Variants in EIF2A observed in about 807,000 individuals in gnomAD.
EIF2A encodes 65 kDa eukaryotic translation initiation factor 2A.
A neutral mutation model predicts 75.2 loss-of-function variants in EIF2A; 62 were observed. The observed-to-expected ratio is 0.82, with a 90% CI of 0.67 to 1.02. The LOEUF (loss-of-function observed/expected upper bound fraction) is 1.02, where lower values mean the gene tolerates loss of function less well. EIF2A is among the 50% of genes least tolerant of loss of function. EIF2A has a pLI of 0.00. For synonymous variants in EIF2A, 207 were observed against 239.0 expected, an observed-to-expected ratio of 0.87 and a Z score of 1.23; for missense variants, 611 against 677.7, an observed-to-expected ratio of 0.90 and a Z score of 1.09.
chr3:150,558,276 G>T lies in EIF2A; in HGVS notation c.99-112G>T, dbSNP rs1449918828. On this transcript the variant is annotated intron_variant, in intron 2 of 13. Coordinates refer to ENST00000460851, the MANE Select transcript of EIF2A (RefSeq NM_032025.5). ...AGCATTTTGGAATTTTCTGAAATTT[G>T]TGCAAGTTCTTAGTTATTAAATTGA... 5 of 939,916 alleles carry T rather than the reference G, an allele frequency of 5.3e-6. No individual in the cohort carries two copies. In the African/African-American group the frequency reaches 7.1e-5, roughly 13 times the overall value. The allele number at this position is 939,916 out of a possible 1,614,324, so 58.2% of individuals were successfully genotyped here.
chr3:150,564,114 T>C (rs1188257714), intron 5 of EIF2A, among the ~76,000 whole-genome samples, 185 bp from the exon 6 acceptor site: 3 of 152,172 alleles, frequency 2.0e-5, no homozygotes, highest in Non-Finnish European at 2.9e-5. Flanking sequence ...CCACCGCACC[T>C]GGCCTTTTCT....
At chr3:150,556,621 T>C (rs74457853) in intron 2 of EIF2A, among the ~76,000 whole-genome samples, 1 of 151,726 alleles carries the variant, frequency 6.6e-6, no homozygotes, top group Non-Finnish European at 1.5e-5. Context: ...GGGGAATAGA[T>C]AAAATTGGCT....
intron 10 of EIF2A, among the ~76,000 whole-genome samples, chr3:150,575,264 G>A (rs1226532592): frequency 6.6e-6 from 1 of 152,094 alleles, no homozygotes; most frequent in Non-Finnish European, 1.5e-5. Context: ...AATTCTTTGT[G>A]TGAAGAAAAC....
intron 1 of EIF2A, among the ~76,000 whole-genome samples, chr3:150,548,887 T>C (rs1009076413): frequency 1.3e-5 from 2 of 152,216 alleles, no homozygotes; most frequent in Non-Finnish European, 2.9e-5. Context: ...ATTATACTTA[T>C]TCAGATTGTT....
At chr3:150,547,552 A>G (rs1015483068) in intron 1 of EIF2A, among the ~76,000 whole-genome samples, 1 of 152,172 alleles carries the variant, frequency 6.6e-6, no homozygotes, top group Non-Finnish European at 1.5e-5. Flanking sequence ...GAGTCTGCAT[A>G]TGAGTATTAC....
At position 150,564,378 on chromosome 3, in the gene EIF2A, T is replaced by G; in HGVS notation, c.472T>G (p.Phe158Val). ...NEVHFFENNNFNTIANKLHLQ... is the reference protein window; with the variant it reads ...NEVHFFENNNVNTIANKLHLQ... ...AGTTCACTTCTTTGAAAACAACAAT[T>G]TTAGTATGGAAAGATTTATGACATA... Residue 158 changes from phenylalanine to valine, a missense_variant, in exon 6 of 14, where the codon TTT becomes GTT. Coordinates refer to ENST00000460851, the MANE Select transcript of EIF2A (RefSeq NM_032025.5). 6.3e-7 allele frequency: 1 copy of G among 1,588,798 alleles called. No homozygotes were observed.
At chr3:150,563,131 A>G (rs1184149824) in intron 4 of EIF2A, among the ~76,000 whole-genome samples, 1 of 152,206 alleles carries the variant, frequency 6.6e-6, no homozygotes, top group East Asian at 1.9e-4. Context: ...AACATTTCAT[A>G]TAACTGTGTT....
intron 6 of EIF2A, 143 bp from the exon 7 acceptor site, chr3:150,567,549 CT>C: frequency 3.3e-6 from 2 of 598,924 alleles, no homozygotes; most frequent in Non-Finnish European, 5.8e-6. Flanking sequence ...GCTTTTTCCA[CT>C]GTGTTACTGT....
In EIF2A at chr3:150,562,702, T is replaced by C. The variant is rs1396819100; in HGVS notation, c.292+42T>C. Reference sequence around the variant, plus strand: ...TGTAAAAATACTCTGACACGATCAATTACGTTTAGTGGGGGGGAAAAAGTT... The same window carrying C: ...TGTAAAAATACTCTGACACGATCAACTACGTTTAGTGGGGGGGAAAAAGTT... On this transcript the variant is annotated intron_variant, in intron 4 of 13. Transcript: ENST00000460851. 2.8e-6 allele frequency: 4 copies of C among 1,451,092 alleles called. 1 individual carries two copies. The South Asian group carries it at 4.8e-5, about 17-fold the overall frequency. The allele number at this position is 1,451,092 out of a possible 1,614,324, so 89.9% of individuals were successfully genotyped here.
At position 150,567,914 on chromosome 3, in the gene EIF2A, G is replaced by A; in HGVS notation, c.562G>A (p.Val188Ile). The A allele has an allele frequency of 6.2e-7, 1 of 1,606,304 alleles. No homozygotes were observed. The highest frequency in any genetic ancestry group is 8.5e-7 in the Non-Finnish European group (1 of 1,177,852). ...GPQPYKVAVY[V>I]PGSKGAPSFV... ...CTATGTATCTTAGGTGGCTGTCTAT[G>A]TTCCAGGAAGTAAAGGTGCACCTTC... The change falls in exon 8 of 14, where the codon GTT becomes ATT. Residue 188 changes from valine (V) to isoleucine (I), a missense_variant. Coordinates refer to ENST00000460851, the MANE Select transcript of EIF2A (RefSeq NM_032025.5).
At chr3:150,557,752 A>G in intron 2 of EIF2A, 1 of 296,746 alleles carries the variant, frequency 3.4e-6, no homozygotes, top group Non-Finnish European at 6.6e-6. Context: ...AGCTGTCATT[A>G]TTGTGTGATT....
At chr3:150,558,791 CTT>C (rs1205209500) in intron 3 of EIF2A, 1 of 160,846 alleles carries the variant, frequency 6.2e-6, no homozygotes, top group Non-Finnish European at 1.3e-5. Context: ...AAATAATTCT[CTT>C]TACTCATTTA....
At position 150,583,242 on chromosome 3, in the gene EIF2A, GGAAAACAGCTA is replaced by G. The variant is rs1725294302; in HGVS notation, c.1675_1685del (p.Gln559LysfsTer57). On this transcript the variant is annotated frameshift_variant, in exon 13 of 14. Coordinates refer to ENST00000460851, the MANE Select transcript of EIF2A (RefSeq NM_032025.5). LOFTEE classifies it high-confidence loss of function. ...ACAACTGAAAGAACAAGCAGCAACT[GGAAAACAGCTA>G]GAAAAAAATCAGGTACTTTCTGCAT... 6.2e-7 allele frequency: 1 copy of G among 1,612,494 alleles called. No homozygotes were observed. The highest frequency in any genetic ancestry group is 1.7e-5 in the Admixed American group (1 of 59,740).
At chr3:150,578,161 T>C (rs1218802468) in intron 11 of EIF2A, among the ~76,000 whole-genome samples, 1 of 151,978 alleles carries the variant, frequency 6.6e-6, no homozygotes, top group Non-Finnish European at 1.5e-5. Flanking sequence ...AGAATTCTAT[T>C]TTTATAAGCA....
chr3:150,571,389 C>G (rs947213300), intron 9 of EIF2A, among the ~76,000 whole-genome samples: 2 of 152,154 alleles, frequency 1.3e-5, no homozygotes, highest in African/African-American at 4.8e-5. Context: ...ATCTGCCCAC[C>G]TTGGCCTCCC....
At chr3:150,552,009 G>A (rs1723341116) in intron 1 of EIF2A, among the ~76,000 whole-genome samples, 1 of 152,038 alleles carries the variant, frequency 6.6e-6, no homozygotes, top group African/African-American at 2.4e-5. Context: ...TTACAGATTA[G>A]GTCACAGATT....
rs1019440553 is a variant in EIF2A, at chr3:150,572,332, A to G, written c.1186A>G (p.Ile396Val). 5.0e-6 allele frequency: 8 copies of G among 1,613,872 alleles called. 1 individual carries two copies. The highest frequency in any genetic ancestry group is 3.3e-5 in the South Asian group (3 of 91,092). The change falls in exon 10 of 14, where the codon ATC becomes GTC. Residue 396 changes from isoleucine to valine, a missense_variant. Transcript: ENST00000460851. ...CAAAATTTGGCATTATACTGGCTCT[A>G]TCTTGCACAAGTATGATGTGCCATC... Reference protein sequence around the residue: ...GYKIWHYTGSILHKYDVPSNA... With the variant: ...GYKIWHYTGSVLHKYDVPSNA...
At chr3:150,570,260 A>C (rs1369309943) in intron 9 of EIF2A, among the ~76,000 whole-genome samples, 1 of 152,224 alleles carries the variant, frequency 6.6e-6, no homozygotes, top group Non-Finnish European at 1.5e-5. Context: ...CCATAAATTA[A>C]GCAAAATGAA....
chr3:150,577,783 A>G (rs2107967145), intron 11 of EIF2A, among the ~76,000 whole-genome samples: 1 of 152,120 alleles, frequency 6.6e-6, no homozygotes, highest in South Asian at 2.1e-4. Context: ...ATAATTCTTG[A>G]ATTTTGACAG....
Sources: allele counts gnomAD v4.1 joint callset (sites outside exome capture counted in the v4.1 genomes callset), GRCh38; gene constraint gnomAD v4.1.1; transcripts MANE v1.5; gene names NCBI Gene and HGNC (gene_info 2026-07-23, HGNC 2026-07-21).